UBE2B: variants seen among roughly 807,000 people sequenced by gnomAD.
UBE2B encodes ubiquitin conjugating enzyme E2 B.
A neutral mutation model predicts 24.6 loss-of-function variants in UBE2B; 11 were observed. The observed-to-expected ratio is 0.45, with a 90% CI of 0.28 to 0.74. The LOEUF is 0.74. UBE2B is among the 30% of genes least tolerant of loss of function. The probability of loss-of-function intolerance (pLI) is 0.13; values close to 1 mark genes in which losing one functional copy is unlikely to be tolerated. For missense variants in UBE2B, 78 were observed against 185.6 expected (o/e 0.42, Z 3.37); for synonymous variants, 68 against 62.4 (o/e 1.09, Z -0.42).
chr5:134,383,327 T>A (rs571852001), intron 4 of UBE2B, among the ~76,000 whole-genome samples: 11 of 152,212 alleles, frequency 7.2e-5, no homozygotes, highest in African/African-American at 2.4e-4. Flanking sequence ...TTTTTGTTGT[T>A]GAGAAAAACA....
chr5:134,376,132 G>A (rs1019498758), intron 2 of UBE2B, among the ~76,000 whole-genome samples: 1 of 149,904 alleles, frequency 6.7e-6, no homozygotes, highest in Non-Finnish European at 1.5e-5. Context: ...TCAGGAGTTC[G>A]AAACCAGCCT....
intron 4 of UBE2B, among the ~76,000 whole-genome samples, chr5:134,387,547 T>G (rs1433953830): frequency 6.6e-6 from 1 of 152,212 alleles, no homozygotes; most frequent in Non-Finnish European, 1.5e-5. Context: ...TAATAGTAGT[T>G]TGTTTGGCTC....
At chr5:134,388,919 A>C (rs1758852157) in intron 5 of UBE2B, 2 of 347,228 alleles carry the variant, frequency 5.8e-6, no homozygotes, top group South Asian at 2.2e-5. Context: ...TTCTTTTTAA[A>C]GTTTTTTCTC....
intron 5 of UBE2B, among the ~76,000 whole-genome samples, chr5:134,389,599 A>G (rs1758865519): frequency 2.2e-5 from 3 of 138,888 alleles, no homozygotes; most frequent in East Asian, 2.2e-4. Context: ...CCCAGGCTGG[A>G]GTACAGTGGC....
chr5:134,372,868 G>A (rs981852666), intron 1 of UBE2B, among the ~76,000 whole-genome samples: 3 of 152,108 alleles, frequency 2.0e-5, no homozygotes, highest in Admixed American at 1.3e-4. Flanking sequence ...TTTAATTGAG[G>A]TTACAGTCTC....
intron 3 of UBE2B, 88 bp from the exon 4 acceptor site, chr5:134,380,631 G>A (rs970883505): frequency 3.9e-6 from 3 of 763,436 alleles, no homozygotes; most frequent in South Asian, 3.0e-5. Flanking sequence ...TTATGTGGTT[G>A]TACAAAAACC....
intron 4 of UBE2B, among the ~76,000 whole-genome samples, chr5:134,386,797 A>T (rs1478451202): frequency 6.6e-6 from 1 of 152,158 alleles, no homozygotes; most frequent in South Asian, 2.1e-4. Flanking sequence ...ATAAATAATT[A>T]AAAACTTATT....
Position 134,390,603 on chromosome 5 carries a change from ATGT to A in UBE2B, c.*253_*255del. On this transcript the variant is annotated 3_prime_UTR_variant, in exon 6 of 6. Coordinates refer to ENST00000265339, the MANE Select transcript of UBE2B (RefSeq NM_003337.4). This position sits in a 1 kb window ranked among gnomAD's most constrained non-coding sequence, Gnocchi z 4.6. ...GTTTGTATTTTTTTCCAAGTGTATA[ATGT>A]TGGTGTGGAGTTTTCATGACAGAAT... The A allele has an allele frequency of 2.4e-6, 1 of 412,162 alleles. No homozygotes were observed. Among genetic ancestry groups the A allele is most frequent in the Admixed American group, 3.9e-5 (1 of 25,366 alleles). The allele number at this position is 412,162 out of a possible 1,614,324, so 25.5% of individuals were successfully genotyped here.
chr5:134,381,217 T>C (rs28604420), intron 4 of UBE2B, among the ~76,000 whole-genome samples: 149,159 of 151,938 alleles, frequency 0.98, 73,286 homozygotes, highest in East Asian at 1. Flanking sequence ...CTGCCCACCT[T>C]GGCCTCCCAA....
Position 134,390,248 on chromosome 5 carries a change from T to A in UBE2B, c.354T>A (p.Pro118=). 1 of 1,614,136 alleles carries A rather than the reference T, an allele frequency of 6.2e-7. No homozygotes were observed. The change falls in exon 6 of 6, where the codon CCT becomes CCA. Residue 118 remains proline (P), a synonymous_variant. Coordinates refer to ENST00000265339, the MANE Select transcript of UBE2B (RefSeq NM_003337.4). The surrounding 1 kb of genome is among the most constrained non-coding windows in gnomAD (Gnocchi z 4.6). The part of the protein sequence containing the change: ...SIQSLLDEPN[P]NSPANSQAAQ... Reference sequence around the variant, plus strand: ...AGTCTCTGCTGGATGAACCGAATCCTAACAGTCCAGCCAATAGCCAGGCAG... The same window carrying A: ...AGTCTCTGCTGGATGAACCGAATCCAAACAGTCCAGCCAATAGCCAGGCAG...
intron 3 of UBE2B, 139 bp from the exon 4 acceptor site, chr5:134,380,579 TA>T: frequency 1.6e-6 from 1 of 608,632 alleles, no homozygotes; most frequent in Non-Finnish European, 3.0e-6. Context: ...AGAGTATATT[TA>T]GGATGTTTTG....
At position 134,391,468 on chromosome 5, in the gene UBE2B, A is replaced by G. The variant is rs925951378; in HGVS notation, c.*1115A>G. On this transcript the variant is annotated 3_prime_UTR_variant, in exon 6 of 6. Transcript: ENST00000265339. Reference sequence around the variant, plus strand: ...CACAGTATTGTAGAAAGCTAATACAAAACTATCCTATGCCTTCAAATAGTA... The same window carrying G: ...CACAGTATTGTAGAAAGCTAATACAGAACTATCCTATGCCTTCAAATAGTA... 6.6e-6 allele frequency: 1 copy of G among 152,636 alleles called. No individual in the cohort carries two copies. The highest frequency in any genetic ancestry group is 2.4e-5 in the African/African-American group (1 of 41,458). The allele number at this position is 152,636 out of a possible 1,614,324, so 9.5% of individuals were successfully genotyped here.
intron 2 of UBE2B, 75 bp downstream of exon 2, chr5:134,374,538 G>A (rs1280035720): frequency 1.4e-6 from 2 of 1,471,834 alleles, no homozygotes; most frequent in Non-Finnish European, 1.9e-6. Flanking sequence ...CAACTGTCTA[G>A]GAAAAGAAAC....
intron 5 of UBE2B, chr5:134,389,748 T>C (rs1758868175): frequency 6.0e-6 from 1 of 166,540 alleles, no homozygotes; most frequent in Admixed American, 5.8e-5. Context: ...GTTTTCTCCA[T>C]GTTGGTCAGG....
chr5:134,391,654 T>G lies in UBE2B; in HGVS notation c.*1301T>G, dbSNP rs1378563652. 2 of 152,520 alleles carry G rather than the reference T, an allele frequency of 1.3e-5. No individual in the cohort carries two copies. Among genetic ancestry groups the G allele is most frequent in the Admixed American group, 6.6e-5 (1 of 15,258 alleles). 9.4% of individuals were successfully genotyped at this position (152,520 alleles called of 1,614,324 possible). A position where few individuals can be genotyped will look rare whatever the true frequency, so the allele number is the denominator to read the frequency against. Reference sequence around the variant, plus strand: ...ACAGCTTCTATTCATTATGCAACGTTTAACATTGATTGGATAAATGCTTAT... The same window carrying G: ...ACAGCTTCTATTCATTATGCAACGTGTAACATTGATTGGATAAATGCTTAT... On this transcript the variant is annotated 3_prime_UTR_variant, in exon 6 of 6. Transcript: ENST00000265339.
In UBE2B at chr5:134,371,780, C is replaced by T. The variant is rs189245029; in HGVS notation, c.44+141C>T. 275 of 1,304,086 alleles carry T rather than the reference C, an allele frequency of 2.1e-4. No individual in the cohort carries two copies. The African/African-American group carries it at 3.5e-3, about 17-fold the overall frequency. The allele number at this position is 1,304,086 out of a possible 1,614,324, so 80.8% of individuals were successfully genotyped here. A position where few individuals can be genotyped will look rare whatever the true frequency, so the allele number is the denominator to read the frequency against. On this transcript the variant is annotated intron_variant, in intron 1 of 5. Transcript: ENST00000265339. ...GGGACTGGCGGAAGCCGGGTCCTAG[C>T]CTCGGCCCTACTCCCATAAGCTTTG...
In UBE2B at chr5:134,390,263, T is replaced by C. The variant is rs374719729; in HGVS notation, c.369T>C (p.Asn123=). Residue 123 remains asparagine, a synonymous_variant, in exon 6 of 6, where the codon AAT becomes AAC. Coordinates refer to ENST00000265339, the MANE Select transcript of UBE2B (RefSeq NM_003337.4). The surrounding 1 kb of genome is among the most constrained non-coding windows in gnomAD (Gnocchi z 4.6). ...AACCGAATCCTAACAGTCCAGCCAA[T>C]AGCCAGGCAGCACAGCTTTATCAGG... The part of the protein sequence containing the change: ...LDEPNPNSPA[N]SQAAQLYQEN... The C allele has an allele frequency of 9.3e-5, 150 of 1,613,998 alleles. No individual in the cohort carries two copies. The South Asian group carries it at 1.3e-3, about 13-fold the overall frequency.
intron 4 of UBE2B, among the ~76,000 whole-genome samples, chr5:134,385,005 C>T (rs1335873508): frequency 6.6e-6 from 1 of 152,144 alleles, no homozygotes; most frequent in Non-Finnish European, 1.5e-5. Flanking sequence ...CAAGGCTCAT[C>T]TATGTTGTGA....
intron 4 of UBE2B, among the ~76,000 whole-genome samples, chr5:134,383,368 C>T (rs532595084): frequency 3.0e-3 from 448 of 150,884 alleles, no homozygotes; most frequent in African/African-American, 0.011. Context: ...GGAGTACAGT[C>T]GTGTGATCTC....
Sources: gnomAD v4.1 joint callset for allele counts (sites outside exome capture counted in the v4.1 genomes callset) on GRCh38, gnomAD v4.1.1 for gene constraint, Gnocchi (gnomAD v3.1) non-coding constraint, MANE v1.5 for transcripts, NCBI Gene and HGNC (gene_info 2026-07-23, HGNC 2026-07-21) for gene names.